Variants in RAP1A observed in about 807,000 individuals in gnomAD.
RAP1A encodes RAP1A, member of RAS oncogene family.
Under a neutral mutation model 26.4 loss-of-function variants are expected in RAP1A, and 6 were observed. That is an observed-to-expected ratio of 0.23 (90% confidence interval 0.12 to 0.45). RAP1A has a LOEUF of 0.45. Ranked by LOEUF, RAP1A falls within the 20% of genes least tolerant of loss-of-function variation. The pLI is 0.99. For missense variants in RAP1A, 121 were observed against 217.2 expected (o/e 0.56, Z 2.78); for synonymous variants, 73 against 79.4 (o/e 0.92, Z 0.43).
At chr1:111,607,893 G>C (rs1272075242) in intron 1 of RAP1A, among the ~76,000 whole-genome samples, 1 of 139,074 alleles carries the variant, frequency 7.2e-6, no homozygotes, top group Non-Finnish European at 1.6e-5. Flanking sequence ...CCTCCCGGAC[G>C]GGGCGGCTGG....
chr1:111,542,200 C>T, upstream of RAP1A: 1 of 546,094 alleles, frequency 1.8e-6, no homozygotes, highest in South Asian at 1.4e-5. Flanking sequence ...TCGTTTAGAC[C>T]AGCTTAATGA....
rs546024326 is a variant in RAP1A at position 111,671,838 on chromosome 1, T to C, written c.-27-19496T>C. Among the ~76,000 whole-genome samples the C allele has an allele frequency of 7.9e-5, 12 of 152,386 alleles. No individual in the cohort carries two copies. In the South Asian group the frequency reaches 2.5e-3, roughly 32 times the overall value. ...TTTAGTTCAAATTGTTTAATTTCCATCTTGATTTCTTTCTTCACTTATGGA... is the reference window on the plus strand; with the variant it reads ...TTTAGTTCAAATTGTTTAATTTCCACCTTGATTTCTTTCTTCACTTATGGA... On this transcript the variant is annotated intron_variant, in intron 1 of 7. Transcript: ENST00000369709.
At chr1:111,579,054 C>T (rs570637561) in intron 1 of RAP1A, among the ~76,000 whole-genome samples, 6 of 152,324 alleles carry the variant, frequency 3.9e-5, no homozygotes, top group South Asian at 4.2e-4. Context: ...AGAGCTTCCA[C>T]GCCGTGTCTA....
chr1:111,611,721 G>C (rs1658930150), intron 1 of RAP1A, among the ~76,000 whole-genome samples: 1 of 152,164 alleles, frequency 6.6e-6, no homozygotes, highest in Non-Finnish European at 1.5e-5. Flanking sequence ...TAAGAAGCAG[G>C]ATCAGAATTT....
At chr1:111,698,020 T>C (rs537155058) in intron 4 of RAP1A, among the ~76,000 whole-genome samples, 1 of 152,278 alleles carries the variant, frequency 6.6e-6, no homozygotes, top group South Asian at 2.1e-4. Flanking sequence ...AAGGTGTTTG[T>C]GATAAGCAAA....
chr1:111,606,179 T>C (rs1658771649), intron 1 of RAP1A, among the ~76,000 whole-genome samples: 1 of 152,242 alleles, frequency 6.6e-6, no homozygotes, highest in Non-Finnish European at 1.5e-5. Flanking sequence ...TTCTGTTAAC[T>C]GTTTCTCAGA....
chr1:111,590,007 G>A (rs1412345966), intron 1 of RAP1A, among the ~76,000 whole-genome samples: 1 of 151,982 alleles, frequency 6.6e-6, no homozygotes, highest in African/African-American at 2.4e-5. Context: ...TGGGCTCAAG[G>A]GATCCTTCTA....
At chr1:111,587,574 AAATATT>A (rs1177286505) in intron 1 of RAP1A, among the ~76,000 whole-genome samples, 3 of 152,136 alleles carry the variant, frequency 2.0e-5, no homozygotes, top group African/African-American at 4.8e-5. Flanking sequence ...GGCAAAATAT[AAATATT>A]ATCATCTCTA....
intron 4 of RAP1A, among the ~76,000 whole-genome samples, chr1:111,699,479 T>TTTTTTTTTTTTTTG (rs374442188): frequency 1.4e-5 from 2 of 139,022 alleles, no homozygotes; most frequent in Non-Finnish European, 1.6e-5. Flanking sequence ...TTTTTTTTTT[T>TTTTTTTTTTTTTTG]GAAACAGGGT....
At chr1:111,548,881 A>T (rs1318783614) in intron 1 of RAP1A, among the ~76,000 whole-genome samples, 3 of 152,144 alleles carry the variant, frequency 2.0e-5, no homozygotes, top group African/African-American at 7.2e-5. Flanking sequence ...TGTCGCTCTG[A>T]TATGGGCTGT....
chr1:111,688,457 C>A (rs983950836), intron 1 of RAP1A, among the ~76,000 whole-genome samples: 1 of 151,410 alleles, frequency 6.6e-6, no homozygotes, highest in Non-Finnish European at 1.5e-5. Context: ...GTAGCTGAGA[C>A]GACAGGCTCA....
At chr1:111,614,834 T>G (rs1305275646), upstream of RAP1A, among the ~76,000 whole-genome samples, 1 of 152,184 alleles carries the variant, frequency 6.6e-6, no homozygotes, top group Non-Finnish European at 1.5e-5. Flanking sequence ...GACATTAGCA[T>G]AATTAAAACA....
chr1:111,667,358 G>A (rs1184738423), intron 1 of RAP1A, among the ~76,000 whole-genome samples: 3 of 152,092 alleles, frequency 2.0e-5, no homozygotes, highest in Admixed American at 2.0e-4. Context: ...ATAATTTTAT[G>A]TTGAGAATAT....
intron 2 of RAP1A, among the ~76,000 whole-genome samples, chr1:111,694,595 A>T (rs1450754431): frequency 6.6e-6 from 1 of 152,210 alleles, no homozygotes; most frequent in Admixed American, 6.5e-5. Flanking sequence ...TCTGAAAAAG[A>T]TGAATGGGCA....
At chr1:111,613,528 TC>T (rs1658963035) in intron 1 of RAP1A, among the ~76,000 whole-genome samples, 1 of 152,184 alleles carries the variant, frequency 6.6e-6, no homozygotes, top group South Asian at 2.1e-4. Flanking sequence ...CATGAAGTGT[TC>T]TCTTTGTTAA....
intron 5 of RAP1A, among the ~76,000 whole-genome samples, chr1:111,704,018 G>T (rs960820954): frequency 6.6e-6 from 1 of 152,100 alleles, no homozygotes; most frequent in African/African-American, 2.4e-5. Flanking sequence ...ACCCAGGCTT[G>T]TCTCAGGCTC....
intron 1 of RAP1A, among the ~76,000 whole-genome samples, chr1:111,655,061 C>T (rs906380596): frequency 6.6e-6 from 1 of 151,594 alleles, no homozygotes; most frequent in African/African-American, 2.4e-5. Flanking sequence ...AGACCATAGA[C>T]CAAGTAGTTA....
intron 1 of RAP1A, among the ~76,000 whole-genome samples, chr1:111,683,615 A>C (rs112210361): frequency 0.13 from 19,234 of 152,222 alleles, 1,542 homozygotes; most frequent in South Asian, 0.18. Flanking sequence ...AACCACAAAG[A>C]AGTCAACTCC....
chr1:111,682,044 G>T (rs927555488), intron 1 of RAP1A, among the ~76,000 whole-genome samples: 6 of 152,150 alleles, frequency 3.9e-5, no homozygotes, highest in African/African-American at 1.4e-4. Context: ...TCAGTATTCA[G>T]CATTCTTAAA....
Sources: gnomAD v4.1 joint callset for allele counts (sites outside exome capture counted in the v4.1 genomes callset) on GRCh38, gnomAD v4.1.1 for gene constraint, MANE v1.5 for transcripts, NCBI Gene and HGNC (gene_info 2026-07-23, HGNC 2026-07-21) for gene names.